Variants in POU3F3 observed in about 807,000 individuals in gnomAD.
The protein encoded by POU3F3 is POU domain, class 3, transcription factor 3.
A neutral mutation model predicts 8.6 loss-of-function variants in POU3F3; 1 was observed. The observed-to-expected ratio is 0.12, with a 90% CI of 0.04 to 0.55. The LOEUF is 0.55. POU3F3 is among the 20% of genes least tolerant of loss of function. The pLI is 0.91. For synonymous variants in POU3F3, 418 were observed against 327.4 expected (o/e 1.28, Z -2.99); for missense variants, 577 against 690.7 (o/e 0.84, Z 1.84).
the POU3F3 span, among the ~76,000 whole-genome samples, chr2:104,911,579 C>A: frequency 1.3e-5 from 2 of 152,082 alleles, no homozygotes; most frequent in African/African-American, 4.8e-5. Flanking sequence ...GGGAGAAGAG[C>A]ATCTCCCAGC....
In POU3F3 at chr2:104,857,104, C is replaced by G. The variant is rs1416646091; in HGVS notation, c.*91C>G. 3 of 979,774 alleles carry G rather than the reference C, an allele frequency of 3.1e-6. No individual in the cohort carries two copies. Among genetic ancestry groups the G allele is most frequent in the Non-Finnish European group, 3.6e-6 (3 of 827,116 alleles). The allele number at this position is 979,774 out of a possible 1,614,324, so 60.7% of individuals were successfully genotyped here. A position where few individuals can be genotyped will look rare whatever the true frequency, so the allele number is the denominator to read the frequency against. On this transcript the variant is annotated 3_prime_UTR_variant, in exon 1 of 1. Coordinates refer to ENST00000361360, the MANE Select transcript of POU3F3 (RefSeq NM_006236.3). The stretch of plus-strand genomic sequence containing the variant: ...GCCGCCCCTGCCGCCGCCGCCGCCG[C>G]CGCCGCCGCCGCTGCCGCCGCCGCG...
chr2:104,880,997 T>C, the POU3F3 span, among the ~76,000 whole-genome samples: 1 of 152,350 alleles, frequency 6.6e-6, no homozygotes, highest in African/African-American at 2.4e-5. Context: ...CTTATTACAT[T>C]CATAAAGTGA....
chr2:104,874,936 GT>G, the POU3F3 span, among the ~76,000 whole-genome samples: 1 of 152,132 alleles, frequency 6.6e-6, no homozygotes, highest in Admixed American at 6.5e-5. Flanking sequence ...ATCTCCAGAA[GT>G]TTTTTTATCT....
the POU3F3 span, chr2:104,925,826 C>T: frequency 1.3e-5 from 2 of 152,120 alleles, no homozygotes; most frequent in African/African-American, 4.8e-5. Context: ...GGCAAAATTT[C>T]CCACTGGGGA....
At chr2:104,854,053 C>T (rs1178450858), upstream of POU3F3, among the ~76,000 whole-genome samples, 1 of 152,194 alleles carries the variant, frequency 6.6e-6, no homozygotes, top group Non-Finnish European at 1.5e-5. This position sits in a 1 kb window ranked among gnomAD's most constrained non-coding sequence, Gnocchi z 4.5. Context: ...GGCCCTGGTG[C>T]TCGACTTCCT....
chr2:104,880,936 G>A, the POU3F3 span, among the ~76,000 whole-genome samples: 2 of 152,188 alleles, frequency 1.3e-5, no homozygotes, highest in East Asian at 1.9e-4. Flanking sequence ...TCAACTTATC[G>A]CCTCAATGCT....
In POU3F3 at chr2:104,855,045, C is replaced by A. The variant is rs1457641639; in HGVS notation, c.-466C>A. ...ACAGGAGGAGGAGCGGGAGCCCGCG[C>A]GTCCCGGGAGAGCGCCCCGAGTGCA... On this transcript the variant is annotated 5_prime_UTR_variant, in exon 1 of 1. Coordinates refer to ENST00000361360, the MANE Select transcript of POU3F3 (RefSeq NM_006236.3). Among the ~76,000 whole-genome samples the A allele has an allele frequency of 6.6e-6, 1 of 151,986 alleles. No homozygotes were observed. The highest frequency in any genetic ancestry group is 6.5e-5 in the Admixed American group (1 of 15,284).
chr2:104,855,522 G>A lies in POU3F3; in HGVS notation c.12G>A (p.Ala4=), dbSNP rs1230502295. ...GGGAGCGGAGCGGCATGGCCACGGC[G>A]GCTTCTAACCCCTACCTGCCGGGGA... MAT[A]ASNPYLPGNS... is the part of the protein sequence containing the mutation. Residue 4 remains alanine, a synonymous_variant, in exon 1 of 1, where the codon GCG becomes GCA. Coordinates refer to ENST00000361360, the MANE Select transcript of POU3F3 (RefSeq NM_006236.3). The A allele has an allele frequency of 6.5e-5, 67 of 1,026,404 alleles. No individual in the cohort carries two copies. Among genetic ancestry groups the A allele is most frequent in the Non-Finnish European group, 7.7e-5 (66 of 853,282 alleles). The allele number at this position is 1,026,404 out of a possible 1,614,324, so 63.6% of individuals were successfully genotyped here. A position where few individuals can be genotyped will look rare whatever the true frequency, so the allele number is the denominator to read the frequency against.
chr2:104,905,981 A>T, the POU3F3 span, among the ~76,000 whole-genome samples: 1 of 152,208 alleles, frequency 6.6e-6, no homozygotes, highest in Non-Finnish European at 1.5e-5. Flanking sequence ...ATAGCCTTTG[A>T]AAGTCATGAA....
At chr2:104,875,008 C>G in the POU3F3 span, among the ~76,000 whole-genome samples, 4 of 152,296 alleles carry the variant, frequency 2.6e-5, no homozygotes, top group South Asian at 8.3e-4. Context: ...TCCCCTGCCC[C>G]CAGCCCTTGG....
At chr2:104,915,812 GT>G in the POU3F3 span, among the ~76,000 whole-genome samples, 1 of 152,122 alleles carries the variant, frequency 6.6e-6, no homozygotes, top group South Asian at 2.1e-4. Flanking sequence ...CCTTTGGAGT[GT>G]GGGTTCCTGG....
chr2:104,880,958 A>G, the POU3F3 span, among the ~76,000 whole-genome samples: 1 of 152,258 alleles, frequency 6.6e-6, no homozygotes, highest in Non-Finnish European at 1.5e-5. Context: ...TAAAGAGTCC[A>G]TAAGACAAAG....
chr2:104,897,605 C>G, the POU3F3 span, among the ~76,000 whole-genome samples: 1 of 152,306 alleles, frequency 6.6e-6, no homozygotes, highest in Non-Finnish European at 1.5e-5. Flanking sequence ...AACCCCAGCC[C>G]CGCCCATGTG....
chr2:104,862,521 G>A (rs1676677227), downstream of POU3F3, among the ~76,000 whole-genome samples: 1 of 151,844 alleles, frequency 6.6e-6, no homozygotes, highest in Admixed American at 6.6e-5. Flanking sequence ...GCAGCCGGGC[G>A]TCCAAAGCTC....
At chr2:104,882,217 T>A in the POU3F3 span, among the ~76,000 whole-genome samples, 1 of 151,522 alleles carries the variant, frequency 6.6e-6, no homozygotes, top group Admixed American at 6.6e-5. Context: ...ATTGGAAAAA[T>A]CTTTCTGGTT....
At chr2:104,886,925 A>G in the POU3F3 span, among the ~76,000 whole-genome samples, 1 of 152,082 alleles carries the variant, frequency 6.6e-6, no homozygotes, top group African/African-American at 2.4e-5. Flanking sequence ...AAAAATAAAA[A>G]AATTTAAAAA....
the POU3F3 span, among the ~76,000 whole-genome samples, chr2:104,914,148 C>A: frequency 6.6e-6 from 1 of 152,220 alleles, no homozygotes; most frequent in Non-Finnish European, 1.5e-5. Context: ...GTTTGTCAAA[C>A]AACAGAATAT....
the POU3F3 span, among the ~76,000 whole-genome samples, chr2:104,900,485 T>A: frequency 6.6e-6 from 1 of 152,140 alleles, no homozygotes; most frequent in African/African-American, 2.4e-5. Flanking sequence ...AGGAAGAAAA[T>A]ACGCTTTAAA....
At position 104,856,683 on chromosome 2, in the gene POU3F3, C is replaced by G; in HGVS notation, c.1173C>G (p.Thr391=). The G allele has an allele frequency of 6.2e-7, 1 of 1,614,124 alleles. No homozygotes were observed. Among genetic ancestry groups the G allele is most frequent in the Non-Finnish European group, 8.5e-7 (1 of 1,180,040 alleles). Reference sequence around the variant, plus strand: ...GGCTGGAGGAGGCGGACTCAAGCACCGGCAGCCCCACAAGCATCGACAAGA... The same window carrying G: ...GGCTGGAGGAGGCGGACTCAAGCACGGGCAGCCCCACAAGCATCGACAAGA... The part of the protein sequence containing the change: ...NKWLEEADSS[T]GSPTSIDKIA... Residue 391 remains threonine (T), a synonymous_variant, in exon 1 of 1, where the codon ACC becomes ACG. Transcript: ENST00000361360.
Sources: allele counts gnomAD v4.1 joint callset (sites outside exome capture counted in the v4.1 genomes callset), GRCh38; gene constraint gnomAD v4.1.1; non-coding constraint Gnocchi (gnomAD v3.1); transcripts MANE v1.5; gene names NCBI Gene and HGNC (gene_info 2026-07-23, HGNC 2026-07-21).